Variants in MEIS3 observed in about 807,000 individuals in gnomAD.
MEIS3 encodes Meis homeobox 3.
MEIS3 carries 38 observed loss-of-function variants against 51.4 expected under a neutral mutation model. The observed-to-expected ratio is 0.74, with a 90% CI of 0.57 to 0.97. The LOEUF is 0.97. MEIS3 is among the 50% of genes least tolerant of loss of function. The pLI is 0.00. For synonymous variants in MEIS3, 198 were observed against 201.8 expected, an observed-to-expected ratio of 0.98 and a Z score of 0.16; for missense variants, 456 against 502.6, an observed-to-expected ratio of 0.91 and a Z score of 0.89.
intron 12 of MEIS3, among the ~76,000 whole-genome samples, chr19:47,404,352 G>A (rs1052859343): frequency 2.6e-5 from 4 of 151,960 alleles, no homozygotes; most frequent in Non-Finnish European, 5.9e-5. Context: ...GCCTGGATAC[G>A]CCTGCCCATC....
In MEIS3 at chr19:47,407,348, T is replaced by C; in HGVS notation, c.935+4A>G. ...CGGCCCGCGGGCCCTCCTGGGCCAC[T>C]CACCAGTTGTTGACTTGCAGGATGG... On this transcript the variant is annotated splice_donor_region_variant and intron_variant, in intron 9 of 12. Coordinates refer to ENST00000558555, the MANE Select transcript of MEIS3 (RefSeq NM_001301059.2). The C allele has an allele frequency of 6.2e-7, 1 of 1,612,406 alleles. No homozygotes were observed. Among genetic ancestry groups the C allele is most frequent in the Non-Finnish European group, 8.5e-7 (1 of 1,179,530 alleles).
intron 9 of MEIS3, 75 bp from the exon 10 acceptor site, chr19:47,407,212 G>T: frequency 2.0e-6 from 3 of 1,527,076 alleles, no homozygotes; most frequent in South Asian, 2.5e-5. Flanking sequence ...CACAGAGCGG[G>T]CCGGAGGACA....
In MEIS3 at chr19:47,407,351, C is replaced by A; in HGVS notation, c.935+1G>T. 6.2e-7 allele frequency: 1 copy of A among 1,612,970 alleles called. No homozygotes were observed. On this transcript the variant is annotated splice_donor_variant, in intron 9 of 12. Coordinates refer to ENST00000558555, the MANE Select transcript of MEIS3 (RefSeq NM_001301059.2). LOFTEE classifies it high-confidence loss of function. ...CCCGCGGGCCCTCCTGGGCCACTCA[C>A]CAGTTGTTGACTTGCAGGATGGTGA...
Position 47,415,048 on chromosome 19 carries a change from C to G in MEIS3, c.447+3G>C. 6.4e-7 allele frequency: 1 copy of G among 1,561,368 alleles called. No individual in the cohort carries two copies. Among genetic ancestry groups the G allele is most frequent in the South Asian group, 1.2e-5 (1 of 84,924 alleles). On this transcript the variant is annotated splice_donor_region_variant and intron_variant, in intron 5 of 12. Transcript: ENST00000558555. ...AGGGTGTGGGGAGGTGAGACGCGCT[C>G]ACCTTCTCCAGCTCCAGCAGGTGGA...
chr19:47,414,659 C>T (rs1971303689), intron 6 of MEIS3, 58 bp downstream of exon 6: 33 of 1,534,856 alleles, frequency 2.2e-5, no homozygotes, highest in Non-Finnish European at 2.9e-5. Flanking sequence ...CGCCCTCATG[C>T]GGTGTCCAGG....
rs887517147 is a variant in MEIS3 at position 47,403,435 on chromosome 19, G to A, written c.*136C>T. The A allele has an allele frequency of 2.2e-6, 1 of 455,034 alleles. No homozygotes were observed. Among genetic ancestry groups the A allele is most frequent in the Non-Finnish European group, 4.4e-6 (1 of 226,928 alleles). The allele number at this position is 455,034 out of a possible 1,614,324, so 28.2% of individuals were successfully genotyped here. On this transcript the variant is annotated 3_prime_UTR_variant, in exon 13 of 13. Coordinates refer to ENST00000558555, the MANE Select transcript of MEIS3 (RefSeq NM_001301059.2). The stretch of plus-strand genomic sequence containing the variant: ...GCACTCAGGCCCCCATGTCCCAGCA[G>A]GGCCCTAGGGAGGTAGGCATTGAGC...
chr19:47,411,228 G>C (rs746273826), intron 6 of MEIS3, among the ~76,000 whole-genome samples: 2 of 152,148 alleles, frequency 1.3e-5, no homozygotes, highest in African/African-American at 2.4e-5. Flanking sequence ...GAGCCACTGC[G>C]CCAGGCCCAT....
rs753571268 is a variant in MEIS3, at chr19:47,416,929, C to T, written c.220G>A (p.Glu74Lys). 3.7e-6 allele frequency: 6 copies of T among 1,606,520 alleles called. No individual in the cohort carries two copies. The East Asian group carries it at 6.7e-5, about 18-fold the overall frequency. The change falls in exon 3 of 13, where the codon GAG (glutamate) becomes AAG (lysine). Residue 74 changes from glutamate to lysine, a missense_variant. By Grantham distance (56) the Glu-to-Lys change is moderately conservative. Transcript: ENST00000558555. ...GAGCATGTAGCCAGTTCACATTTCT[C>T]AAAGACCAGGGCCAAGAGGGGGAAG... ...PLFPLLALVF[E>K]KCELATCSPR...
Position 47,409,135 on chromosome 19 carries a change from G to A in MEIS3, c.822C>T (p.Thr274=). ...GGAACAACCAGGCTCGCATGATGTT[G>A]GTGGCCACCTTGGGGAAGATCCCCC... is the stretch of plus-strand genomic sequence containing the variant. ...KKRGIFPKVA[T]NIMRAWLFQH... Residue 274 remains threonine, a synonymous_variant, in exon 8 of 13, where the codon ACC becomes ACT. Coordinates refer to ENST00000558555, the MANE Select transcript of MEIS3 (RefSeq NM_001301059.2). 6.2e-7 allele frequency: 1 copy of A among 1,611,478 alleles called. No individual in the cohort carries two copies. Among genetic ancestry groups the A allele is most frequent in the South Asian group, 1.1e-5 (1 of 90,990 alleles).
chr19:47,406,271 G>GAGGA, intron 12 of MEIS3, 189 bp downstream of exon 12: 2 of 525,944 alleles, frequency 3.8e-6, no homozygotes, highest in Non-Finnish European at 6.8e-6. Flanking sequence ...CATGGAGGAG[G>GAGGA]AGGATGGATG....
chr19:47,417,169 C>T lies in MEIS3; in HGVS notation c.185+9G>A. The T allele has an allele frequency of 6.5e-7, 1 of 1,536,084 alleles. No homozygotes were observed. The highest frequency in any genetic ancestry group is 8.7e-7 in the Non-Finnish European group (1 of 1,146,658). ...GAGAGACAGGAGCCTGAGACCCGGCCCCACTCACCCATAGATCTCATCCTT... is the reference window on the plus strand; with the variant it reads ...GAGAGACAGGAGCCTGAGACCCGGCTCCACTCACCCATAGATCTCATCCTT... On this transcript the variant is annotated intron_variant, in intron 2 of 12. Transcript: ENST00000558555.
In MEIS3 at chr19:47,407,347, C is replaced by T; in HGVS notation, c.935+5G>A. 6.2e-7 allele frequency: 1 copy of T among 1,612,562 alleles called. No individual in the cohort carries two copies. Among genetic ancestry groups the T allele is most frequent in the Non-Finnish European group, 8.5e-7 (1 of 1,179,576 alleles). ...CCGGCCCGCGGGCCCTCCTGGGCCACTCACCAGTTGTTGACTTGCAGGATG... is the reference window on the plus strand; with the variant it reads ...CCGGCCCGCGGGCCCTCCTGGGCCATTCACCAGTTGTTGACTTGCAGGATG... On this transcript the variant is annotated splice_donor_5th_base_variant and intron_variant, in intron 9 of 12. Coordinates refer to ENST00000558555, the MANE Select transcript of MEIS3 (RefSeq NM_001301059.2).
chr19:47,410,175 C>T (rs933014673), intron 6 of MEIS3, among the ~76,000 whole-genome samples: 1 of 152,026 alleles, frequency 6.6e-6, no homozygotes, highest in African/African-American at 2.4e-5. Context: ...GGCTTGGGCA[C>T]AGTGGCTCAC....
rs751330134 is a variant in MEIS3 at position 47,407,438 on chromosome 19, C to G, written c.859-10G>C. The G allele has an allele frequency of 5.6e-5, 91 of 1,613,738 alleles. No homozygotes were observed. The highest frequency in any genetic ancestry group is 7.4e-5 in the Non-Finnish European group (87 of 1,179,926). On this transcript the variant is annotated splice_polypyrimidine_tract_variant and intron_variant, in intron 8 of 12. Coordinates refer to ENST00000558555, the MANE Select transcript of MEIS3 (RefSeq NM_001301059.2). ...CCGAGGGGTACGGGTGCTGCAGCCA[C>G]CAGCAAGAGTCACTCTGCCTGCCTG...
chr19:47,403,491 C>G lies in MEIS3; in HGVS notation c.*80G>C. ...GGCCTTTGGAGGTGGGGTCCTGAAG[C>G]TGGAGGACCAGGCGGGAACCAGAGG... On this transcript the variant is annotated 3_prime_UTR_variant, in exon 13 of 13. Transcript: ENST00000558555. The G allele has an allele frequency of 2.2e-6, 1 of 456,070 alleles. No individual in the cohort carries two copies. The highest frequency in any genetic ancestry group is 2.0e-5 in the African/African-American group (1 of 50,170). The allele number at this position is 456,070 out of a possible 1,614,324, so 28.3% of individuals were successfully genotyped here.
Position 47,415,195 on chromosome 19 carries a change from A to C in MEIS3, c.397-94T>G. On this transcript the variant is annotated intron_variant, in intron 4 of 12. Transcript: ENST00000558555. Reference sequence around the variant, plus strand: ...AGAGGAAGAGAAGGAGGAAGAGGAGACACAGAGAAACAGAAAGAGTGAGAC... The same window carrying C: ...AGAGGAAGAGAAGGAGGAAGAGGAGCCACAGAGAAACAGAAAGAGTGAGAC... The C allele has an allele frequency of 6.5e-6, 5 of 768,464 alleles. No individual in the cohort carries two copies. The Admixed American group carries it at 8.6e-5, about 13-fold the overall frequency. The allele number at this position is 768,464 out of a possible 1,614,324, so 47.6% of individuals were successfully genotyped here. A position where few individuals can be genotyped will look rare whatever the true frequency, so the allele number is the denominator to read the frequency against.
intron 8 of MEIS3, among the ~76,000 whole-genome samples, chr19:47,408,251 T>C (rs972922772): frequency 6.6e-6 from 1 of 151,770 alleles, no homozygotes; most frequent in Non-Finnish European, 1.5e-5. Context: ...CTCAGCCTCC[T>C]GAGTAGCTGG....
intron 12 of MEIS3, chr19:47,405,995 T>G (rs1017051015): frequency 6.5e-6 from 1 of 153,766 alleles, no homozygotes; most frequent in African/African-American, 2.4e-5. Flanking sequence ...GATGGGTAGG[T>G]GGGTGGAAGC....
In MEIS3 at chr19:47,415,232, G is replaced by A. The variant is rs1971352231; in HGVS notation, c.397-131C>T. On this transcript the variant is annotated intron_variant, in intron 4 of 12. Transcript: ENST00000558555. The stretch of plus-strand genomic sequence containing the variant: ...AGAAAGAGTGAGACAAAATGACAGG[G>A]ACAGGGAGATGCAGCAAAGAGAGAC... The A allele has an allele frequency of 3.8e-5, 26 of 683,738 alleles. 1 individual carries two copies. The South Asian group carries it at 4.3e-4, about 11-fold the overall frequency. 42.4% of individuals were successfully genotyped at this position (683,738 alleles called of 1,614,324 possible).
Sources: allele counts gnomAD v4.1 joint callset (sites outside exome capture counted in the v4.1 genomes callset), GRCh38; gene constraint gnomAD v4.1.1; transcripts MANE v1.5; gene names NCBI Gene and HGNC (gene_info 2026-07-23, HGNC 2026-07-21).